Variants in TBC1D4 observed in about 807,000 individuals in gnomAD.
TBC1D4 encodes the protein TBC (Tre-2, BUB2, CDC16) domain-containing protein.
In TBC1D4, 121 loss-of-function variants were observed where a neutral mutation model predicts 142.5. That is an observed-to-expected ratio of 0.85 (90% CI 0.73 to 0.99). The LOEUF (loss-of-function observed/expected upper bound fraction) is 0.99, where lower values mean the gene tolerates loss of function less well. TBC1D4 is among the 50% of genes least tolerant of loss of function. TBC1D4 has a pLI of 0.00. For missense variants in TBC1D4, 1,475 were observed against 1,606.6 expected (o/e 0.92, Z 1.40); for synonymous variants, 630 against 628.2 (o/e 1.00, Z -0.04).
chr13:75,299,257 G>T, intron 17 of TBC1D4, 73 bp downstream of exon 17: 1 of 1,606,710 alleles, frequency 6.2e-7, no homozygotes, highest in East Asian at 2.2e-5. Context: ...AATCTGAACT[G>T]TAATAATTGA....
Position 75,337,038 on chromosome 13 carries a change from A to C in TBC1D4, c.1614T>G (p.Thr538=). 1 of 1,612,568 alleles carries C rather than the reference A, an allele frequency of 6.2e-7. No individual in the cohort carries two copies. Among genetic ancestry groups the C allele is most frequent in the Non-Finnish European group, 8.5e-7 (1 of 1,179,050 alleles). The change falls in exon 8 of 21, where the codon ACT becomes ACG. Residue 538 remains threonine, a splice_region_variant and synonymous_variant. Coordinates refer to ENST00000377636, the MANE Select transcript of TBC1D4 (RefSeq NM_014832.5). ...THVHIGEGPS[T]ISNSTIPENA... ...TTTCTGGGATTGTACTATTTGAAAT[A>C]GTCTAAAAAAAGAAAAACAGATACA...
intron 7 of TBC1D4, among the ~76,000 whole-genome samples, chr13:75,338,346 A>G (rs1880399701): frequency 6.6e-6 from 1 of 152,088 alleles, no homozygotes; most frequent in Non-Finnish European, 1.5e-5. Context: ...TGTATAAAGC[A>G]CTGGGATCAT....
At chr13:75,445,565 C>A (rs1887244504) in intron 1 of TBC1D4, among the ~76,000 whole-genome samples, 1 of 152,114 alleles carries the variant, frequency 6.6e-6, no homozygotes, top group Admixed American at 6.5e-5. Flanking sequence ...GGTCATGGAG[C>A]ACTAAAATCA....
chr13:75,459,883 C>T (rs145130336), intron 1 of TBC1D4, among the ~76,000 whole-genome samples: 248 of 152,304 alleles, frequency 1.6e-3, no homozygotes, highest in African/African-American at 5.7e-3. Flanking sequence ...TGGCTCACGC[C>T]TGTAATCCCA....
chr13:75,458,725 AAC>A (rs1329737092), intron 1 of TBC1D4, among the ~76,000 whole-genome samples: 1 of 151,652 alleles, frequency 6.6e-6, no homozygotes, highest in African/African-American at 2.4e-5. Flanking sequence ...ATAATTTTTT[AAC>A]AGTTTTTTTT....
intron 8 of TBC1D4, among the ~76,000 whole-genome samples, chr13:75,333,874 AC>A (rs1272734154): frequency 6.6e-6 from 1 of 151,864 alleles, no homozygotes. Flanking sequence ...TATTTTGTAG[AC>A]TCCACCTCAA....
chr13:75,304,113 G>T (rs1876903631), intron 15 of TBC1D4, among the ~76,000 whole-genome samples: 1 of 152,126 alleles, frequency 6.6e-6, no homozygotes, highest in Non-Finnish European at 1.5e-5. Flanking sequence ...TTTCATCTCT[G>T]TATGATAAAA....
chr13:75,372,045 A>G (rs1883250310), intron 1 of TBC1D4, among the ~76,000 whole-genome samples: 2 of 152,228 alleles, frequency 1.3e-5, no homozygotes, highest in South Asian at 4.1e-4. Context: ...ACAAGAAAGT[A>G]AAGCATCTCA....
chr13:75,435,285 G>A (rs1433859635), intron 1 of TBC1D4, among the ~76,000 whole-genome samples: 1 of 147,538 alleles, frequency 6.8e-6, no homozygotes, highest in Non-Finnish European at 1.5e-5. Context: ...CCAAGATCAC[G>A]CCACTGCACT....
At position 75,465,407 on chromosome 13, in the gene TBC1D4, G is replaced by GTGAA. The variant is rs936941141; in HGVS notation, c.498+15859_498+15862dup. Among the ~76,000 whole-genome samples the GTGAA allele has an allele frequency of 1.5e-3, 223 of 152,320 alleles. 1 individual carries two copies. Among genetic ancestry groups the GTGAA allele is most frequent in the African/African-American group, 5.0e-3 (208 of 41,556 alleles). On this transcript the variant is annotated intron_variant, in intron 1 of 20. Transcript: ENST00000377636. ...AAGGAATGGTTGAGGGAATGAGCAAGTGAATGAATGAATGAATGAATGAGG... is the reference window on the plus strand; with the variant it reads ...AAGGAATGGTTGAGGGAATGAGCAAGTGAATGAATGAATGAATGAATGAATGAGG...
chr13:75,350,050 C>T (rs1450635694), intron 4 of TBC1D4, among the ~76,000 whole-genome samples: 1 of 152,186 alleles, frequency 6.6e-6, no homozygotes, highest in Non-Finnish European at 1.5e-5. Flanking sequence ...TTGAAACCAA[C>T]TAACAGCTCA....
At chr13:75,366,317 A>G (rs1000387598) in intron 1 of TBC1D4, among the ~76,000 whole-genome samples, 1 of 152,222 alleles carries the variant, frequency 6.6e-6, no homozygotes, top group African/African-American at 2.4e-5. Context: ...CCTCTGCCAG[A>G]TAACTTCCTC....
At chr13:75,360,329 CAAATCTGATAACCCCAAGAAAAGGGG>C (rs1278472437) in intron 2 of TBC1D4, among the ~76,000 whole-genome samples, 1 of 151,962 alleles carries the variant, frequency 6.6e-6, no homozygotes, top group African/African-American at 2.4e-5. Flanking sequence ...AAAAAAAGAA[CAAATCTGATAACCCCAAGAAAAGGGG>C]AAATTCAGTT....
chr13:75,292,147 C>T lies in TBC1D4; in HGVS notation c.3441G>A (p.Thr1147=), dbSNP rs581294. The stretch of plus-strand genomic sequence containing the variant: ...TTTCAGAGGTATTCATATCAGGTAG[C>T]GTGTTTTTAAGAAACTCAACAATAT... The part of the protein sequence containing the change: ...FENIVEFLKN[T]LPDMNTSEME... Residue 1147 remains threonine, a synonymous_variant, in exon 19 of 21, where the codon ACG becomes ACA. Coordinates refer to ENST00000377636, the MANE Select transcript of TBC1D4 (RefSeq NM_014832.5). The T allele has an allele frequency of 6.6e-5, 106 of 1,612,756 alleles. No homozygotes were observed. Among genetic ancestry groups the T allele is most frequent in the Non-Finnish European group, 8.1e-5 (95 of 1,179,396 alleles).
chr13:75,481,646 A>G lies in TBC1D4; in HGVS notation c.122T>C (p.Val41Ala). ...PSDKRFRLWYVGGSCLDHRTT... is the reference protein window; with the variant it reads ...PSDKRFRLWYAGGSCLDHRTT... ...CCTGTGGTCCAGGCACGACCCCCCA[A>G]CGTACCACAGCCGGAACCGCTTATC... The change falls in exon 1 of 21, where the codon GTT (valine) becomes GCT (alanine). Residue 41 changes from valine to alanine, a missense_variant. Around this residue, in one of 2 missense-constraint regions of TBC1D4, gnomAD observed 1,227 missense variants for 1,267.7 expected, o/e 0.97. Transcript: ENST00000377636. The G allele has an allele frequency of 1.9e-6, 3 of 1,604,772 alleles. No individual in the cohort carries two copies. The highest frequency in any genetic ancestry group is 1.7e-4 in the Middle Eastern group (1 of 6,034).
intron 1 of TBC1D4, among the ~76,000 whole-genome samples, chr13:75,410,083 A>G (rs1013238577): frequency 6.6e-6 from 1 of 152,226 alleles, no homozygotes; most frequent in African/African-American, 2.4e-5. Context: ...CAGCACTCTC[A>G]GAGTATTGTT....
chr13:75,458,482 G>A (rs980123237), intron 1 of TBC1D4, among the ~76,000 whole-genome samples: 8 of 152,166 alleles, frequency 5.3e-5, no homozygotes, highest in South Asian at 2.1e-4. Context: ...ACATGTGGGC[G>A]CAAAAACAGG....
chr13:75,388,444 A>T (rs918191532), intron 1 of TBC1D4, among the ~76,000 whole-genome samples: 35 of 152,144 alleles, frequency 2.3e-4, no homozygotes, highest in African/African-American at 7.5e-4. Context: ...GTGTTCTCAA[A>T]GGTTAAATTT....
intron 12 of TBC1D4, among the ~76,000 whole-genome samples, chr13:75,313,154 T>C (rs887527750): frequency 2.6e-5 from 4 of 152,214 alleles, no homozygotes; most frequent in African/African-American, 4.8e-5. Context: ...CCAGTCCTAG[T>C]TCTAATCTGA....
Sources: allele counts gnomAD v4.1 joint callset (sites outside exome capture counted in the v4.1 genomes callset), GRCh38; gene constraint gnomAD v4.1.1; regional missense constraint gnomAD v4.1.1; transcripts MANE v1.5; gene names NCBI Gene and HGNC (gene_info 2026-07-23, HGNC 2026-07-21).